The following XRCC5 variants were observed in gnomAD, a reference collection of about 807,000 sequenced individuals.
The protein encoded by XRCC5 is X-ray repair cross complementing 5, also known as DNA repair protein Ku80.
In XRCC5, 12 loss-of-function variants were observed where a neutral mutation model predicts 95.7. That is an observed-to-expected ratio of 0.13 (90% confidence interval 0.08 to 0.20). The LOEUF (loss-of-function observed/expected upper bound fraction) is 0.20, where lower values mean the gene tolerates loss of function less well. XRCC5 is among the 10% of genes least tolerant of loss of function. The pLI is 1.00. For synonymous variants in XRCC5, 281 were observed against 290.3 expected (o/e 0.97, Z 0.33); for missense variants, 595 against 873.9 (o/e 0.68, Z 4.02).
intron 9 of XRCC5, among the ~76,000 whole-genome samples, chr2:216,131,766 A>G (rs1432128234): frequency 1.3e-5 from 2 of 152,260 alleles, no homozygotes; most frequent in East Asian, 3.9e-4. Flanking sequence ...TAATCTCTGT[A>G]ATCTAATTTT....
At chr2:216,177,974 A>T (rs1689309393) in intron 16 of XRCC5, among the ~76,000 whole-genome samples, 1 of 152,172 alleles carries the variant, frequency 6.6e-6, no homozygotes, top group African/African-American at 2.4e-5. Flanking sequence ...TCTGCTTCAG[A>T]TTTCCTGAGG....
Position 216,190,235 on chromosome 2 carries a change from G to C in XRCC5, c.1845G>C (p.Gln615His). The C allele has an allele frequency of 6.2e-7, 1 of 1,613,580 alleles. No individual in the cohort carries two copies. Among genetic ancestry groups the C allele is most frequent in the Non-Finnish European group, 8.5e-7 (1 of 1,179,826 alleles). Residue 615 changes from glutamine (Q) to histidine (H), a missense_variant, in exon 17 of 21, where the codon CAG becomes CAC. Gln to His is a conservative substitution (Grantham distance 24). Around this residue, in one of 2 missense-constraint regions of XRCC5, gnomAD observed 309 missense variants for 382.9 expected, o/e 0.81. Coordinates refer to ENST00000392132, the MANE Select transcript of XRCC5 (RefSeq NM_021141.4). ...TGTCTTATGTTTTAGCGAGTAACCA[G>C]CTCATAAATCACATCGAACAGTTTT... ...KKASFEEASNQLINHIEQFLD... is the reference protein window; with the variant it reads ...KKASFEEASNHLINHIEQFLD...
At chr2:216,175,475 G>A in intron 16 of XRCC5, 1 of 500,192 alleles carries the variant, frequency 2.0e-6, no homozygotes, top group Non-Finnish European at 3.9e-6. Flanking sequence ...TGTTAATAGT[G>A]TGGTGTTTCT....
chr2:216,133,817 G>A (rs1344279768), intron 10 of XRCC5, among the ~76,000 whole-genome samples: 1 of 152,176 alleles, frequency 6.6e-6, no homozygotes, highest in African/African-American at 2.4e-5. Context: ...AAGCAAGGGA[G>A]TAAGGAAACA....
At chr2:216,173,447 G>A (rs955474912) in intron 16 of XRCC5, among the ~76,000 whole-genome samples, 1 of 152,132 alleles carries the variant, frequency 6.6e-6, no homozygotes, top group African/African-American at 2.4e-5. Context: ...AGTTTTGTTA[G>A]ATGCATTTTC....
At chr2:216,155,890 G>A (rs1688833272) in intron 14 of XRCC5, among the ~76,000 whole-genome samples, 1 of 152,102 alleles carries the variant, frequency 6.6e-6, no homozygotes. Context: ...AAAATACAAC[G>A]AGAAGGGCCT....
chr2:216,166,755 C>T (rs539824378), intron 16 of XRCC5, among the ~76,000 whole-genome samples: 2 of 152,192 alleles, frequency 1.3e-5, no homozygotes, highest in East Asian at 3.9e-4. Context: ...GGAAAAGCCA[C>T]ATTACTTCTT....
chr2:216,122,110 T>C lies in XRCC5; in HGVS notation c.540T>C (p.Asp180=). 1.2e-6 allele frequency: 2 copies of C among 1,614,146 alleles called. No homozygotes were observed. Among genetic ancestry groups the C allele is most frequent in the Middle Eastern group, 3.3e-4 (2 of 6,062 alleles). ...AAGATGGAAGTGGGGACAGAGGAGA[T>C]GGCCCCTTTCGCTTAGGTGGCCATG... The part of the protein sequence containing the change: ...GKEDGSGDRG[D]GPFRLGGHGP... Residue 180 remains aspartate (D), a synonymous_variant, in exon 6 of 21, where the codon GAT becomes GAC. Transcript: ENST00000392132.
At chr2:216,170,070 A>G (rs1014503360) in intron 16 of XRCC5, among the ~76,000 whole-genome samples, 1 of 131,510 alleles carries the variant, frequency 7.6e-6, no homozygotes, top group East Asian at 2.3e-4. Context: ...AAAAAAAAAA[A>G]GATGCACTTG....
intron 19 of XRCC5, among the ~76,000 whole-genome samples, chr2:216,203,369 A>G (rs41296817): frequency 0.011 from 1,663 of 152,248 alleles, 24 homozygotes; most frequent in African/African-American, 0.038. Context: ...GCTACCAGAA[A>G]ATCACCTTCT....
At chr2:216,142,761 T>C in intron 13 of XRCC5, among the ~76,000 whole-genome samples, 1 of 152,194 alleles carries the variant, frequency 6.6e-6, no homozygotes, top group Non-Finnish European at 1.5e-5. Flanking sequence ...AAGTCCATAT[T>C]GGGGCTTGTG....
At chr2:216,193,557 A>G (rs1055818657) in intron 18 of XRCC5, among the ~76,000 whole-genome samples, 1 of 152,212 alleles carries the variant, frequency 6.6e-6, no homozygotes, top group African/African-American at 2.4e-5. Flanking sequence ...CCTGACAGTT[A>G]ATTTTTCAGC....
intron 16 of XRCC5, among the ~76,000 whole-genome samples, chr2:216,169,288 G>T (rs1689110697): frequency 6.6e-6 from 1 of 152,232 alleles, no homozygotes; most frequent in South Asian, 2.1e-4. Context: ...TTGCAGGGAA[G>T]ACTTGACATT....
At chr2:216,117,032 C>G (rs1329515178) in intron 3 of XRCC5, 190 bp downstream of exon 3, 6 of 625,518 alleles carry the variant, frequency 9.6e-6, no homozygotes, top group Non-Finnish European at 1.6e-5. Flanking sequence ...CCTGGGCTCC[C>G]AGCCCTCCAC....
intron 1 of XRCC5, among the ~76,000 whole-genome samples, chr2:216,111,232 TG>T (rs1410983898): frequency 6.6e-5 from 10 of 152,122 alleles, no homozygotes; most frequent in African/African-American, 2.4e-4. Flanking sequence ...GTCAAATATC[TG>T]GGGGGAGGCC....
intron 19 of XRCC5, among the ~76,000 whole-genome samples, chr2:216,203,865 T>C (rs1008014600): frequency 6.6e-6 from 1 of 150,466 alleles, no homozygotes; most frequent in Non-Finnish European, 1.5e-5. Flanking sequence ...TTTTTTTTTT[T>C]CCTGATTCTT....
chr2:216,189,613 G>A (rs576578432), intron 16 of XRCC5, among the ~76,000 whole-genome samples: 6 of 152,298 alleles, frequency 3.9e-5, no homozygotes, highest in Admixed American at 3.9e-4. Context: ...GGCTTTTGGA[G>A]TAGTGAGCAA....
intron 14 of XRCC5, among the ~76,000 whole-genome samples, chr2:216,155,862 A>G (rs1272666965): frequency 6.6e-6 from 1 of 152,154 alleles, no homozygotes; most frequent in Non-Finnish European, 1.5e-5. Flanking sequence ...GAAAATAACT[A>G]TGAAGGGGAA....
At chr2:216,123,288 T>G (rs777888893) in intron 6 of XRCC5, among the ~76,000 whole-genome samples, 1 of 152,206 alleles carries the variant, frequency 6.6e-6, no homozygotes, top group Non-Finnish European at 1.5e-5. Context: ...AAAAATTATG[T>G]TCTGATTTTC....
Sources: allele counts gnomAD v4.1 joint callset (sites outside exome capture counted in the v4.1 genomes callset), GRCh38; gene constraint gnomAD v4.1.1; regional missense constraint gnomAD v4.1.1; transcripts MANE v1.5; gene names NCBI Gene and HGNC (gene_info 2026-07-23, HGNC 2026-07-21).